GRIA3: variants seen among roughly 807,000 people sequenced by gnomAD.
GRIA3 encodes the protein glutamate receptor 3.
GRIA3 carries 3 observed loss-of-function variants against 63.0 expected under a neutral mutation model. The observed-to-expected ratio is 0.05, with a 90% CI of 0.02 to 0.12. The LOEUF (loss-of-function observed/expected upper bound fraction) is 0.12. GRIA3 is among the 10% of genes least tolerant of loss of function. The pLI is 1.00. For synonymous variants in GRIA3, 274 were observed against 257.9 expected, an observed-to-expected ratio of 1.06 and a Z score of -0.60; for missense variants, 347 against 700.9, an observed-to-expected ratio of 0.50 and a Z score of 5.70.
chrX:123,310,711 T>C (rs1287330545), intron 3 of GRIA3, among the ~76,000 whole-genome samples: 2 of 112,751 alleles, frequency 1.8e-5, no homozygotes, highest in African/African-American at 6.4e-5. Flanking sequence ...CTTATCAAAA[T>C]AGAATTCTCA....
intron 4 of GRIA3, among the ~76,000 whole-genome samples, chrX:123,350,096 T>C (rs748626036): frequency 2.8e-4 from 31 of 111,655 alleles, no homozygotes; most frequent in Non-Finnish European, 9.4e-5. Context: ...TGTGGTCTAA[T>C]AGCTTTTTCT....
chrX:123,462,861 T>C (rs2045800703), intron 12 of GRIA3, among the ~76,000 whole-genome samples: 1 of 111,992 alleles, frequency 8.9e-6, no homozygotes, highest in Non-Finnish European at 1.9e-5. Flanking sequence ...TCTGGTCAAG[T>C]ATCACCTTAG....
chrX:123,335,571 T>C (rs1364297655), intron 4 of GRIA3, among the ~76,000 whole-genome samples: 8 of 111,961 alleles, frequency 7.1e-5, no homozygotes, highest in Non-Finnish European at 1.3e-4. Flanking sequence ...CACCCTTTAA[T>C]GCCGCATTTT....
At chrX:123,203,785 G>T (rs1927809600) in intron 2 of GRIA3, among the ~76,000 whole-genome samples, 1 of 112,149 alleles carries the variant, frequency 8.9e-6, no homozygotes, top group Non-Finnish European at 1.9e-5. Flanking sequence ...AGACAGCATT[G>T]TATGGGCTTT....
chrX:123,277,991 C>T (rs1025270768), intron 3 of GRIA3, among the ~76,000 whole-genome samples: 9 of 111,965 alleles, frequency 8.0e-5, no homozygotes, highest in African/African-American at 2.9e-4. Context: ...CAAGCTTTGA[C>T]TCATAGTAAG....
chrX:123,289,904 T>A (rs1012006979), intron 3 of GRIA3, among the ~76,000 whole-genome samples: 2 of 111,784 alleles, frequency 1.8e-5, no homozygotes, highest in African/African-American at 6.5e-5. Context: ...CTTTTTATAA[T>A]TTTTTTATCT....
At chrX:123,245,496 GA>G (rs2044353272) in intron 2 of GRIA3, among the ~76,000 whole-genome samples, 1 of 111,769 alleles carries the variant, frequency 8.9e-6, no homozygotes, top group South Asian at 3.8e-4. Flanking sequence ...GAGGAGAAAA[GA>G]GGGCCAGGGA....
At position 123,374,963 on chromosome X, in the gene GRIA3, C is replaced by T. The variant is rs758270043; in HGVS notation, c.750+20000C>T. Among the ~76,000 whole-genome samples the T allele has an allele frequency of 1.1e-3, 128 of 111,696 alleles. 2 individuals are homozygous for T. The highest frequency in any genetic ancestry group is 4.0e-3 in the African/African-American group (123 of 30,719). On this transcript the variant is annotated intron_variant, in intron 5 of 15. Coordinates refer to ENST00000620443, the MANE Select transcript of GRIA3 (RefSeq NM_007325.5). Reference sequence around the variant, plus strand: ...GTCTGATTGATCTAGGTAGGACTTTCAGTACTATGCTGAATAACAATGAAA... The same window carrying T: ...GTCTGATTGATCTAGGTAGGACTTTTAGTACTATGCTGAATAACAATGAAA...
intron 2 of GRIA3, among the ~76,000 whole-genome samples, chrX:123,232,591 T>C (rs1253457978): frequency 9.0e-6 from 1 of 111,554 alleles, no homozygotes; most frequent in African/African-American, 3.3e-5. Flanking sequence ...ATTGTTAAGA[T>C]GGTAAATTTT....
intron 12 of GRIA3, among the ~76,000 whole-genome samples, chrX:123,432,881 C>T (rs1203726949): frequency 9.0e-6 from 1 of 111,630 alleles, no homozygotes; most frequent in Non-Finnish European, 1.9e-5. Flanking sequence ...CCCTTAGCTA[C>T]ACAGGGAAGA....
chrX:123,245,555 A>G (rs957435959), intron 2 of GRIA3, among the ~76,000 whole-genome samples: 2 of 112,165 alleles, frequency 1.8e-5, no homozygotes, highest in Non-Finnish European at 3.8e-5. Flanking sequence ...CACAGAGGAA[A>G]CTGAAAAGGA....
At chrX:123,485,592 T>C (rs1024345617) in intron 15 of GRIA3, among the ~76,000 whole-genome samples, 10 of 111,702 alleles carry the variant, frequency 9.0e-5, no homozygotes, top group African/African-American at 2.9e-4. Flanking sequence ...AAAAAAGTCT[T>C]GAGAAACTTC....
intron 4 of GRIA3, among the ~76,000 whole-genome samples, chrX:123,349,109 G>T (rs1009925519): frequency 8.9e-6 from 1 of 112,029 alleles, no homozygotes; most frequent in Non-Finnish European, 1.9e-5. Flanking sequence ...GTAGTGACTA[G>T]CTATAAAGGA....
chrX:123,332,395 T>C (rs1278593328), intron 4 of GRIA3, among the ~76,000 whole-genome samples: 1 of 111,956 alleles, frequency 8.9e-6, no homozygotes, highest in Non-Finnish European at 1.9e-5. Flanking sequence ...TATATGTGTA[T>C]GCTTATATAT....
At position 123,184,577 on chromosome X, in the gene GRIA3, G is replaced by T; in HGVS notation, c.42G>T (p.Ala14=). ...AAATGGGGCAAAGCGTGCTCCGGGC[G>T]GTCTTCTTTTTAGTCCTGGGGCTTT... is the stretch of plus-strand genomic sequence containing the variant. ...QKKMGQSVLR[A]VFFLVLGLLG... is the part of the protein sequence containing the mutation. Residue 14 remains alanine (A), a synonymous_variant, in exon 1 of 16, where the codon GCG becomes GCT. Coordinates refer to ENST00000620443, the MANE Select transcript of GRIA3 (RefSeq NM_007325.5). The T allele has an allele frequency of 8.3e-7, 1 of 1,210,372 alleles. No homozygotes were observed. Among genetic ancestry groups the T allele is most frequent in the Non-Finnish European group, 1.1e-6 (1 of 894,554 alleles).
chrX:123,212,834 G>A (rs1318706803), intron 2 of GRIA3, among the ~76,000 whole-genome samples: 1 of 111,733 alleles, frequency 8.9e-6, no homozygotes, highest in Non-Finnish European at 1.9e-5. Flanking sequence ...GCAAACCTAT[G>A]ACATAGGTAC....
chrX:123,276,848 T>C (rs1490544100), intron 3 of GRIA3, among the ~76,000 whole-genome samples: 1 of 111,694 alleles, frequency 9.0e-6, no homozygotes, highest in Non-Finnish European at 1.9e-5. Context: ...GACAGTATGG[T>C]AACTACTAGA....
chrX:123,411,245 GCTT>G (rs2045504229), intron 10 of GRIA3, among the ~76,000 whole-genome samples: 2 of 111,965 alleles, frequency 1.8e-5, no homozygotes, highest in Non-Finnish European at 3.8e-5. Flanking sequence ...GGTCATGTCT[GCTT>G]CTTCTCTTGG....
chrX:123,463,173 C>T (rs1462854085), intron 12 of GRIA3, among the ~76,000 whole-genome samples: 1 of 110,680 alleles, frequency 9.0e-6, no homozygotes, highest in Non-Finnish European at 1.9e-5. Flanking sequence ...TATATTCTTC[C>T]AGTGCTTCTC....
Sources: allele counts gnomAD v4.1 joint callset (sites outside exome capture counted in the v4.1 genomes callset), GRCh38; gene constraint gnomAD v4.1.1; transcripts MANE v1.5; gene names NCBI Gene and HGNC (gene_info 2026-07-23, HGNC 2026-07-21).